The following LRRIQ3 variants were observed in gnomAD, a reference collection of about 807,000 sequenced individuals.
LRRIQ3 encodes leucine-rich repeat and IQ domain-containing protein 3.
Under a neutral mutation model 59.3 loss-of-function variants are expected in LRRIQ3, and 75 were observed. The observed-to-expected ratio is 1.26, with a 90% CI of 1.05 to 1.53. The LOEUF (loss-of-function observed/expected upper bound fraction) is 1.53, where lower values mean the gene tolerates loss of function less well. Ranked by LOEUF, LRRIQ3 falls within the 40% of genes most tolerant of loss-of-function variation. The pLI is 0.00. For synonymous variants in LRRIQ3, 250 were observed against 231.3 expected (o/e 1.08, Z -0.73); for missense variants, 831 against 710.0 (o/e 1.17, Z -1.94).
chr1:74,101,119 G>A (rs1338546460), intron 5 of LRRIQ3, among the ~76,000 whole-genome samples: 1 of 152,064 alleles, frequency 6.6e-6, no homozygotes, highest in Non-Finnish European at 1.5e-5. Context: ...GAGTGAACAG[G>A]CAATCTACAG....
chr1:74,159,283 T>C (rs1241911415), intron 3 of LRRIQ3, among the ~76,000 whole-genome samples: 1 of 152,106 alleles, frequency 6.6e-6, no homozygotes, highest in East Asian at 1.9e-4. Flanking sequence ...AGCTGACAAA[T>C]TATTCTTTAA....
In LRRIQ3 at chr1:74,177,959, A is replaced by T. The variant is rs1020039364; in HGVS notation, c.573+4579T>A. Among the ~76,000 whole-genome samples, 4 of 151,966 alleles carry T rather than the reference A, an allele frequency of 2.6e-5. No individual in the cohort carries two copies. In the South Asian group the frequency reaches 8.3e-4, roughly 31 times the overall value. On this transcript the variant is annotated intron_variant, in intron 3 of 7. Coordinates refer to ENST00000354431, the MANE Select transcript of LRRIQ3 (RefSeq NM_001105659.2). ...ATATTTATCAAAGTATTTATGGTAT[A>T]TGTTTTTGCATAATACTATTGTGCA...
chr1:74,159,042 C>A (rs892517035), intron 3 of LRRIQ3, among the ~76,000 whole-genome samples: 3 of 152,044 alleles, frequency 2.0e-5, no homozygotes, highest in African/African-American at 7.2e-5. Flanking sequence ...AAGGTCAGAC[C>A]ATACCACTTT....
At chr1:74,054,764 A>ATATATATATATATATC (rs1282233588) in intron 6 of LRRIQ3, among the ~76,000 whole-genome samples, 1 of 147,770 alleles carries the variant, frequency 6.8e-6, no homozygotes, top group African/African-American at 2.5e-5. Flanking sequence ...ATATCTATAT[A>ATATATATATATATATC]TCTACATACA....
chr1:74,094,863 T>C (rs1158260108), intron 5 of LRRIQ3, among the ~76,000 whole-genome samples: 1 of 152,160 alleles, frequency 6.6e-6, no homozygotes, highest in East Asian at 1.9e-4. Flanking sequence ...CTTTGTGTTC[T>C]GTTTTTGGAA....
chr1:74,104,750 C>T (rs1646585108), intron 5 of LRRIQ3, among the ~76,000 whole-genome samples: 1 of 151,886 alleles, frequency 6.6e-6, no homozygotes, highest in East Asian at 1.9e-4. Flanking sequence ...TTTATACATA[C>T]AATTATACAT....
At chr1:74,037,530 G>T (rs914196458) in intron 7 of LRRIQ3, among the ~76,000 whole-genome samples, 2 of 152,144 alleles carry the variant, frequency 1.3e-5, no homozygotes, top group Non-Finnish European at 2.9e-5. Context: ...CCCATACTCA[G>T]GAGGCTGAGG....
At chr1:74,189,688 A>G (rs1198200557) in intron 1 of LRRIQ3, among the ~76,000 whole-genome samples, 1 of 152,074 alleles carries the variant, frequency 6.6e-6, no homozygotes, top group Non-Finnish European at 1.5e-5. Context: ...GTGGTAGTGA[A>G]TAAGTCTCAT....
At chr1:74,061,181 A>C (rs1373971669) in intron 6 of LRRIQ3, among the ~76,000 whole-genome samples, 1 of 152,154 alleles carries the variant, frequency 6.6e-6, no homozygotes, top group Non-Finnish European at 1.5e-5. Flanking sequence ...TTCCATTCAC[A>C]ATAGCCACAA....
At chr1:74,188,347 T>C (rs1197241692) in intron 1 of LRRIQ3, among the ~76,000 whole-genome samples, 3 of 152,074 alleles carry the variant, frequency 2.0e-5, no homozygotes, top group Admixed American at 6.6e-5. Flanking sequence ...ACTAAATCAA[T>C]TGTACAACAA....
intron 4 of LRRIQ3, among the ~76,000 whole-genome samples, chr1:74,128,918 G>T (rs1333513333): frequency 6.6e-6 from 1 of 152,016 alleles, no homozygotes. Flanking sequence ...TATCTGGATT[G>T]CAAAGCAAAA....
At chr1:74,091,288 C>T (rs1440345563) in intron 5 of LRRIQ3, among the ~76,000 whole-genome samples, 1 of 152,164 alleles carries the variant, frequency 6.6e-6, no homozygotes, top group East Asian at 1.9e-4. Flanking sequence ...GGTGGTGATT[C>T]AGTTTCTAGT....
At chr1:74,180,412 AAC>A in intron 3 of LRRIQ3, 1 of 265,298 alleles carries the variant, frequency 3.8e-6, no homozygotes, top group South Asian at 6.5e-5. Context: ...TCAAGTCCAG[AAC>A]ACTATTTCTG....
chr1:74,053,251 C>T (rs185259981), intron 6 of LRRIQ3, among the ~76,000 whole-genome samples: 8 of 149,540 alleles, frequency 5.3e-5, no homozygotes, highest in Non-Finnish European at 4.4e-5. Flanking sequence ...TGAAATGGCT[C>T]ATAGATTTAA....
chr1:74,189,647 T>A (rs1423992174), intron 1 of LRRIQ3, among the ~76,000 whole-genome samples: 1 of 152,166 alleles, frequency 6.6e-6, no homozygotes, highest in African/African-American at 2.4e-5. Context: ...GATAATTGAA[T>A]GATGGTGGCA....
At chr1:74,170,540 C>T (rs1015009327) in intron 3 of LRRIQ3, among the ~76,000 whole-genome samples, 4 of 152,048 alleles carry the variant, frequency 2.6e-5, no homozygotes, top group Non-Finnish European at 5.9e-5. Flanking sequence ...ACTTGTATGC[C>T]AGTACTACAC....
At chr1:74,162,321 A>C (rs975758935) in intron 3 of LRRIQ3, among the ~76,000 whole-genome samples, 3 of 151,886 alleles carry the variant, frequency 2.0e-5, no homozygotes, top group Admixed American at 2.0e-4. Flanking sequence ...ATTAACTATA[A>C]AAGATAATCA....
At position 74,057,895 on chromosome 1, in the gene LRRIQ3, T is replaced by G. The variant is rs1570043172; in HGVS notation, c.998-15962A>C. Among the ~76,000 whole-genome samples the G allele has an allele frequency of 2.0e-5, 3 of 151,870 alleles. No individual in the cohort carries two copies. In the South Asian group the frequency reaches 6.2e-4, roughly 32 times the overall value. ...TAGCTAAAAAAACAAGCAACCCAAC[T>G]AAAAAATAGTCAAAATCCCTGACTA... On this transcript the variant is annotated intron_variant, in intron 6 of 7. Transcript: ENST00000354431.
At chr1:74,114,730 G>C (rs1224365386) in intron 4 of LRRIQ3, among the ~76,000 whole-genome samples, 1 of 145,566 alleles carries the variant, frequency 6.9e-6, no homozygotes, top group Non-Finnish European at 1.5e-5. Context: ...GCGAGACTCC[G>C]TCTTAAAAAA....
Sources: gnomAD v4.1 joint callset for allele counts (sites outside exome capture counted in the v4.1 genomes callset) on GRCh38, gnomAD v4.1.1 for gene constraint, MANE v1.5 for transcripts, NCBI Gene and HGNC (gene_info 2026-07-23, HGNC 2026-07-21) for gene names.